The following MOSPD1 variants were observed in gnomAD, a reference collection of about 807,000 sequenced individuals.
MOSPD1 encodes the protein motile sperm domain containing 1.
In MOSPD1, 5 loss-of-function variants were observed where a neutral mutation model predicts 16.7. That is an observed-to-expected ratio of 0.30 (90% CI 0.16 to 0.63). The LOEUF (loss-of-function observed/expected upper bound fraction) is 0.63, where lower values mean the gene tolerates loss of function less well. Ranked by LOEUF, MOSPD1 falls within the 30% of genes least tolerant of loss-of-function variation. MOSPD1 has a pLI of 0.82. For missense variants in MOSPD1, 104 were observed against 153.6 expected (o/e 0.68, Z 1.71); for synonymous variants, 67 against 59.2 (o/e 1.13, Z -0.61).
At chrX:134,913,013 C>A (rs2082980667) in intron 1 of MOSPD1, among the ~76,000 whole-genome samples, 1 of 110,038 alleles carries the variant, frequency 9.1e-6, no homozygotes, top group Non-Finnish European at 1.9e-5. Flanking sequence ...CCAAGGTGGG[C>A]AGATCACCTG....
intron 1 of MOSPD1, among the ~76,000 whole-genome samples, chrX:134,900,700 A>G (rs1054143361): frequency 6.4e-5 from 7 of 110,213 alleles, no homozygotes; most frequent in African/African-American, 2.3e-4. Context: ...TCTCATTATA[A>G]TCAATATTCT....
rs202075828 is a variant in MOSPD1, at chrX:134,905,387, AG to A, written c.-101-5854del. 2.5e-3 allele frequency among the ~76,000 whole-genome samples: 261 copies of A among 106,301 alleles called. 2 individuals are homozygous for A. Among genetic ancestry groups the A allele is most frequent in the African/African-American group, 6.8e-3 (196 of 28,959 alleles). The allele number at this position is 106,301 out of a possible 115,157, so 92.3% of individuals were successfully genotyped here. A position where few individuals can be genotyped will look rare whatever the true frequency, so the allele number is the denominator to read the frequency against. The stretch of plus-strand genomic sequence containing the variant: ...CTCAAAAAGAAAAAAAAAAAAAAAA[AG>A]GGGAGATAAGAATATGTAAACCTAT... On this transcript the variant is annotated intron_variant, in intron 1 of 5. Coordinates refer to ENST00000370783, the MANE Select transcript of MOSPD1 (RefSeq NM_019556.3).
At chrX:134,907,100 T>C (rs1348966830) in intron 1 of MOSPD1, among the ~76,000 whole-genome samples, 2 of 111,056 alleles carry the variant, frequency 1.8e-5, no homozygotes, top group African/African-American at 6.6e-5. Flanking sequence ...TGGTGGTGTA[T>C]GCCTGTAATC....
intron 1 of MOSPD1, among the ~76,000 whole-genome samples, chrX:134,906,817 G>A (rs1221033836): frequency 8.9e-6 from 1 of 111,760 alleles, no homozygotes; most frequent in Non-Finnish European, 1.9e-5. Flanking sequence ...TGACAGATGT[G>A]GGAAGCAGGC....
chrX:134,908,427 C>T (rs779880026), intron 1 of MOSPD1, among the ~76,000 whole-genome samples: 1 of 111,758 alleles, frequency 8.9e-6, no homozygotes, highest in Admixed American at 9.5e-5. Context: ...AGAATCAGCA[C>T]TCCCAGTTAC....
rs1299633456 is a variant in MOSPD1, at chrX:134,891,581, T to G, written c.508A>C (p.Ile170Leu). 2.5e-6 allele frequency: 3 copies of G among 1,211,052 alleles called. No individual in the cohort carries two copies. Among genetic ancestry groups the G allele is most frequent in the South Asian group, 1.8e-5 (1 of 56,964 alleles). Reference protein sequence around the residue: ...LLTVFLGVVCIAALMLPTLGD... With the variant: ...LLTVFLGVVCLAALMLPTLGD... Reference sequence around the variant, plus strand: ...AGTGTAGGCAGCATCAGGGCTGCAATGCACACCACTCCCAGGAAGACAGTT... The same window carrying G: ...AGTGTAGGCAGCATCAGGGCTGCAAGGCACACCACTCCCAGGAAGACAGTT... Residue 170 changes from isoleucine (I) to leucine (L), a missense_variant, in exon 5 of 6, where the codon ATT becomes CTT. By Grantham distance (5) the Ile-to-Leu change is conservative. This residue lies in a region of MOSPD1 where 68 missense variants were observed against 73.1 expected (regional missense o/e 0.93). Coordinates refer to ENST00000370783, the MANE Select transcript of MOSPD1 (RefSeq NM_019556.3).
intron 4 of MOSPD1, 21 bp downstream of exon 4, chrX:134,896,796 T>C: frequency 8.5e-7 from 1 of 1,179,083 alleles, no homozygotes; most frequent in Non-Finnish European, 1.2e-6. Flanking sequence ...CAAAAGGGCT[T>C]TAAAAACAAC....
chrX:134,898,996 A>T, intron 3 of MOSPD1, 94 bp downstream of exon 3: 1 of 792,008 alleles, frequency 1.3e-6, no homozygotes, highest in Non-Finnish European at 1.8e-6. Context: ...TGCCTATGTG[A>T]GAACAGCTTC....
Position 134,896,980 on chromosome X carries a change from G to A in MOSPD1, c.285C>T (p.Phe95=), listed in dbSNP as rs768194390. Residue 95 remains phenylalanine, a synonymous_variant, in exon 4 of 6, where the codon TTC becomes TTT. Coordinates refer to ENST00000370783, the MANE Select transcript of MOSPD1 (RefSeq NM_019556.3). ...RSCHYGVIDK[F]RLQVSEQSQR... ...GGCTTTGCTCGGAAACTTGGAGACGGAATTTGTCTATTACACCATAGTGAC... is the reference window on the plus strand; with the variant it reads ...GGCTTTGCTCGGAAACTTGGAGACGAAATTTGTCTATTACACCATAGTGAC... 18 of 1,208,859 alleles carry A rather than the reference G, an allele frequency of 1.5e-5. No individual in the cohort carries two copies. Among genetic ancestry groups the A allele is most frequent in the Non-Finnish European group, 2.0e-5 (18 of 894,722 alleles).
At chrX:134,893,983 G>C (rs1318236858) in intron 4 of MOSPD1, among the ~76,000 whole-genome samples, 1 of 111,700 alleles carries the variant, frequency 9.0e-6, no homozygotes, top group Non-Finnish European at 1.9e-5. Flanking sequence ...AACCCACTAA[G>C]ATTCAGATGT....
At chrX:134,905,564 T>TAA (rs56221511) in intron 1 of MOSPD1, among the ~76,000 whole-genome samples, 1 of 105,708 alleles carries the variant, frequency 9.5e-6, no homozygotes, top group Non-Finnish European at 1.9e-5. Flanking sequence ...AACGAATATT[T>TAA]AAAAAAAAAA....
chrX:134,909,265 C>T (rs2082958905), intron 1 of MOSPD1, among the ~76,000 whole-genome samples: 1 of 105,492 alleles, frequency 9.5e-6, no homozygotes, highest in Non-Finnish European at 2.0e-5. Flanking sequence ...CGAGACTCCT[C>T]AAAAAAGAAA....
Position 134,899,527 on chromosome X carries a change from T to C in MOSPD1, c.-94A>G, listed in dbSNP as rs1287762656. 1.1e-6 allele frequency: 1 copy of C among 901,709 alleles called. No homozygotes were observed. The highest frequency in any genetic ancestry group is 1.5e-6 in the Non-Finnish European group (1 of 669,297). 74.3% of individuals were successfully genotyped at this position (901,709 alleles called of 1,213,427 possible). On this transcript the variant is annotated 5_prime_UTR_variant, in exon 2 of 6. Coordinates refer to ENST00000370783, the MANE Select transcript of MOSPD1 (RefSeq NM_019556.3). ...ATTCAGTTAAAAACTCCAAAGCATT[T>C]TGGCAATCTAGAAATAGAAGGAGAA...
chrX:134,913,413 T>C (rs1284883828), intron 1 of MOSPD1, among the ~76,000 whole-genome samples: 2 of 111,812 alleles, frequency 1.8e-5, no homozygotes, highest in Non-Finnish European at 3.8e-5. Context: ...AAAATGTCTA[T>C]ATATTCCATT....
At chrX:134,898,960 T>C (rs2082898823) in intron 3 of MOSPD1, 130 bp downstream of exon 3, 2 of 556,559 alleles carry the variant, frequency 3.6e-6, no homozygotes, top group Admixed American at 3.4e-5. Flanking sequence ...AGACAAACTT[T>C]CGGCAAAAAT....
chrX:134,910,646 A>C (rs2082966301), intron 1 of MOSPD1, among the ~76,000 whole-genome samples: 2 of 112,275 alleles, frequency 1.8e-5, no homozygotes, highest in Admixed American at 1.9e-4. Context: ...CCTTAAGGCT[A>C]GTCTGCAGTA....
intron 1 of MOSPD1, among the ~76,000 whole-genome samples, chrX:134,914,072 T>G (rs1161020598): frequency 8.9e-6 from 1 of 112,175 alleles, no homozygotes; most frequent in East Asian, 2.8e-4. Flanking sequence ...CATGTGTGCC[T>G]TGCCTGAAAA....
At chrX:134,908,142 T>G (rs2148399567) in intron 1 of MOSPD1, among the ~76,000 whole-genome samples, 1 of 112,477 alleles carries the variant, frequency 8.9e-6, no homozygotes, top group African/African-American at 3.2e-5. Context: ...TTAGGTATAA[T>G]GCCATATTGT....
chrX:134,906,392 G>A (rs1003571334), intron 1 of MOSPD1, among the ~76,000 whole-genome samples: 1 of 106,937 alleles, frequency 9.4e-6, no homozygotes, highest in Non-Finnish European at 1.9e-5. Flanking sequence ...CACCATGCTG[G>A]CCAGGCTGGT....
Sources: gnomAD v4.1 joint callset for allele counts (sites outside exome capture counted in the v4.1 genomes callset) on GRCh38, gnomAD v4.1.1 for gene constraint, gnomAD v4.1.1 regional missense constraint, MANE v1.5 for transcripts, NCBI Gene and HGNC (gene_info 2026-07-23, HGNC 2026-07-21) for gene names.